The following PPARD variants were observed in gnomAD, a reference collection of about 807,000 sequenced individuals.
PPARD encodes the protein peroxisome proliferator activated receptor delta, also known as peroxisome proliferator-activated receptor delta.
Under a neutral mutation model 39.5 loss-of-function variants are expected in PPARD, and 6 were observed. The observed-to-expected ratio is 0.15, with a 90% CI of 0.08 to 0.30. The LOEUF (loss-of-function observed/expected upper bound fraction) is 0.30. Among genes scored for constraint, PPARD ranks in the 10% least tolerant of loss-of-function variants. PPARD has a pLI of 1.00. For missense variants in PPARD, 397 were observed against 596.8 expected (o/e 0.67, Z 3.49); for synonymous variants, 210 against 231.3 (o/e 0.91, Z 0.83).
Position 35,411,102 on chromosome 6 carries a change from G to A in PPARD, c.15G>A (p.Gln5=). 6.4e-6 allele frequency: 10 copies of A among 1,559,524 alleles called. No homozygotes were observed. The highest frequency in any genetic ancestry group is 8.7e-6 in the Non-Finnish European group (10 of 1,151,878). Residue 5 remains glutamine, a synonymous_variant, in exon 3 of 8, where the codon CAG becomes CAA. Transcript: ENST00000360694. MEQP[Q]EEAPEVREEE... is the part of the protein sequence containing the mutation. Reference sequence around the variant, plus strand: ...GGAGATCAGCCATGGAGCAGCCACAGGAGGAAGCCCCTGAGGTCCGGGAAG... The same window carrying A: ...GGAGATCAGCCATGGAGCAGCCACAAGAGGAAGCCCCTGAGGTCCGGGAAG...
intron 2 of PPARD, among the ~76,000 whole-genome samples, chr6:35,386,015 G>A (rs1378840235): frequency 9.2e-5 from 14 of 152,098 alleles, no homozygotes. Flanking sequence ...TTATGAGGTT[G>A]GACTGTGACC....
intron 2 of PPARD, among the ~76,000 whole-genome samples, chr6:35,387,910 TG>T (rs1385741505): frequency 6.6e-6 from 1 of 151,628 alleles, no homozygotes; most frequent in East Asian, 1.9e-4. Flanking sequence ...TGGGTAGAGA[TG>T]GGGTTTCACC....
In PPARD at chr6:35,426,211, A is replaced by G; in HGVS notation, c.*132A>G. On this transcript the variant is annotated 3_prime_UTR_variant, in exon 8 of 8. Transcript: ENST00000360694. ...CAGAGTCCCACGATCGCCCTCAGAC[A>G]CATGACACCCACGGCCTCTGGCTCC... 7.9e-7 allele frequency: 1 copy of G among 1,264,254 alleles called. No homozygotes were observed. Among genetic ancestry groups the G allele is most frequent in the Non-Finnish European group, 1.1e-6 (1 of 933,418 alleles). 78.3% of individuals were successfully genotyped at this position (1,264,254 alleles called of 1,614,324 possible). A position where few individuals can be genotyped will look rare whatever the true frequency, so the allele number is the denominator to read the frequency against.
chr6:35,371,456 T>C (rs534473863), intron 2 of PPARD, among the ~76,000 whole-genome samples: 6 of 152,308 alleles, frequency 3.9e-5, no homozygotes, highest in African/African-American at 1.4e-4. Context: ...ACCAGGTCCC[T>C]GTGTCCACCT....
intron 3 of PPARD, among the ~76,000 whole-genome samples, chr6:35,419,357 T>G (rs932596462): frequency 2.0e-5 from 3 of 152,200 alleles, no homozygotes; most frequent in African/African-American, 7.2e-5. Context: ...AAGAGAATCC[T>G]AGCAGTTCTT....
At position 35,411,168 on chromosome 6, in the gene PPARD, A is replaced by G. The variant is rs780453641; in HGVS notation, c.81A>G (p.Pro27=). 2 of 1,574,674 alleles carry G rather than the reference A, an allele frequency of 1.3e-6. No homozygotes were observed. Among genetic ancestry groups the G allele is most frequent in the South Asian group, 1.2e-5 (1 of 86,380 alleles). The change falls in exon 3 of 8, where the codon CCA becomes CCG. Residue 27 remains proline (P), a synonymous_variant. Transcript: ENST00000360694. Reference sequence around the variant, plus strand: ...AAGTGGCAGAGGCAGAAGGAGCCCCAGAGCTCAATGGGGGACCACAGCATG... The same window carrying G: ...AAGTGGCAGAGGCAGAAGGAGCCCCGGAGCTCAATGGGGGACCACAGCATG... ...KEEVAEAEGA[P]ELNGGPQHAL... is the part of the protein sequence containing the mutation.
At chr6:35,381,017 G>A (rs1763124059) in intron 2 of PPARD, among the ~76,000 whole-genome samples, 1 of 151,882 alleles carries the variant, frequency 6.6e-6, no homozygotes, top group Non-Finnish European at 1.5e-5. Flanking sequence ...ACTTTCCTTT[G>A]CTCCTGCCTT....
At chr6:35,352,599 G>T (rs912838972) in intron 2 of PPARD, among the ~76,000 whole-genome samples, 1 of 152,164 alleles carries the variant, frequency 6.6e-6, no homozygotes, top group Non-Finnish European at 1.5e-5. Flanking sequence ...TGGTTCTGTG[G>T]ATTAACTGGG....
intron 2 of PPARD, among the ~76,000 whole-genome samples, chr6:35,361,365 C>A (rs1359215173): frequency 6.6e-6 from 1 of 152,092 alleles, no homozygotes; most frequent in Non-Finnish European, 1.5e-5. Context: ...AACTTCAAGG[C>A]AGCTGGGCAT....
rs1055174751 is a variant in PPARD, at chr6:35,363,475, T to C, written c.-102+16325T>C. Among the ~76,000 whole-genome samples, 9 of 152,244 alleles carry C rather than the reference T, an allele frequency of 5.9e-5. No homozygotes were observed. Among genetic ancestry groups the C allele is most frequent in the African/African-American group, 4.8e-5 (2 of 41,458 alleles). On this transcript the variant is annotated intron_variant, in intron 2 of 7. Transcript: ENST00000360694. The surrounding 1 kb of genome is among the most constrained non-coding windows in gnomAD (Gnocchi z 4.5). Reference sequence around the variant, plus strand: ...CCCATGTGAAACTGTATCCCTCAGCTGACACACGCTTGTAACTACAGCCCT... The same window carrying C: ...CCCATGTGAAACTGTATCCCTCAGCCGACACACGCTTGTAACTACAGCCCT...
At chr6:35,354,500 A>G (rs1761454707) in intron 2 of PPARD, among the ~76,000 whole-genome samples, 1 of 151,782 alleles carries the variant, frequency 6.6e-6, no homozygotes, top group African/African-American at 2.4e-5. Context: ...AGGATTTCAC[A>G]ATGTTGGCCA....
chr6:35,368,357 A>C (rs927779717), intron 2 of PPARD, among the ~76,000 whole-genome samples: 2 of 152,202 alleles, frequency 1.3e-5, no homozygotes, highest in South Asian at 4.1e-4. Context: ...TTCCTGCTGC[A>C]TTGTAGCCAG....
chr6:35,416,408 A>C (rs1054081497), intron 3 of PPARD, among the ~76,000 whole-genome samples: 2 of 107,090 alleles, frequency 1.9e-5, no homozygotes, highest in African/African-American at 3.6e-5. Flanking sequence ...AAAAAAAAAA[A>C]AACACCTTCT....
intron 2 of PPARD, among the ~76,000 whole-genome samples, chr6:35,370,606 C>G (rs1762434215): frequency 6.6e-6 from 1 of 151,616 alleles, no homozygotes; most frequent in Non-Finnish European, 1.5e-5. Flanking sequence ...GTCCCTGCTC[C>G]TCTCCACACA....
At chr6:35,406,462 G>T (rs1330016749) in intron 2 of PPARD, among the ~76,000 whole-genome samples, 3 of 152,176 alleles carry the variant, frequency 2.0e-5, no homozygotes, top group Non-Finnish European at 2.9e-5. Flanking sequence ...GGAGCAAGGA[G>T]GCCATATGAA....
At chr6:35,343,167 T>C (rs1295634234) in intron 1 of PPARD, among the ~76,000 whole-genome samples, 1 of 152,062 alleles carries the variant, frequency 6.6e-6, no homozygotes, top group African/African-American at 2.4e-5. Context: ...GTTATCCTTG[T>C]CTCCTGCCTT....
rs1766461988 is a variant in PPARD at position 35,424,817 on chromosome 6, C to T, written c.1078+38C>T. ...GGGGCAGGTGGGCTGGCCTGGCACACCCAGTCGTCCTGGGGGTTGGCCCTC... is the reference window on the plus strand; with the variant it reads ...GGGGCAGGTGGGCTGGCCTGGCACATCCAGTCGTCCTGGGGGTTGGCCCTC... On this transcript the variant is annotated intron_variant, in intron 7 of 7. Coordinates refer to ENST00000360694, the MANE Select transcript of PPARD (RefSeq NM_006238.5). This position sits in a 1 kb window ranked among gnomAD's most constrained non-coding sequence, Gnocchi z 7.1. 6.3e-7 allele frequency: 1 copy of T among 1,598,214 alleles called. No homozygotes were observed. The highest frequency in any genetic ancestry group is 8.5e-7 in the Non-Finnish European group (1 of 1,171,596).
Position 35,425,454 on chromosome 6 carries a change from C to T in PPARD, c.1079-378C>T. The stretch of plus-strand genomic sequence containing the variant: ...GCACTGTTCTTTTCATCGATGATGA[C>T]TCACTTGATCCTCACAACAACCCTG... On this transcript the variant is annotated intron_variant, in intron 7 of 7. Transcript: ENST00000360694. The surrounding 1 kb of genome is among the most constrained non-coding windows in gnomAD (Gnocchi z 4.5). 1 of 1,054,444 alleles carries T rather than the reference C, an allele frequency of 9.5e-7. No homozygotes were observed. Among genetic ancestry groups the T allele is most frequent in the Non-Finnish European group, 1.2e-6 (1 of 856,000 alleles). The allele number at this position is 1,054,444 out of a possible 1,614,324, so 65.3% of individuals were successfully genotyped here. A position where few individuals can be genotyped will look rare whatever the true frequency, so the allele number is the denominator to read the frequency against.
intron 5 of PPARD, among the ~76,000 whole-genome samples, chr6:35,423,710 C>G (rs955524206): frequency 2.0e-5 from 3 of 147,300 alleles, no homozygotes; most frequent in Non-Finnish European, 3.0e-5. Context: ...GCACTGTGAA[C>G]AAAACAGACA....
Sources: gnomAD v4.1 joint callset for allele counts (sites outside exome capture counted in the v4.1 genomes callset) on GRCh38, gnomAD v4.1.1 for gene constraint, Gnocchi (gnomAD v3.1) non-coding constraint, MANE v1.5 for transcripts, NCBI Gene and HGNC (gene_info 2026-07-23, HGNC 2026-07-21) for gene names.